The following ZFHX3 variants were observed in gnomAD, a reference collection of about 807,000 sequenced individuals.
The protein encoded by ZFHX3 is zinc finger homeobox 3.
A neutral mutation model predicts 279.1 loss-of-function variants in ZFHX3; 42 were observed. That is an observed-to-expected ratio of 0.15 (90% CI 0.12 to 0.19). ZFHX3 has a LOEUF of 0.19. Among genes scored for constraint, ZFHX3 ranks in the 10% least tolerant of loss-of-function variants. The probability of loss-of-function intolerance (pLI) is 1.00; values close to 1 mark genes in which losing one functional copy is unlikely to be tolerated. For synonymous variants in ZFHX3, 2,293 were observed against 1,957.8 expected, an observed-to-expected ratio of 1.17 and a Z score of -4.52; for missense variants, 4,981 against 4,754.0, an observed-to-expected ratio of 1.05 and a Z score of -1.40.
chr16:73,529,803 A>T (rs1048494208), intron 2 of ZFHX3, among the ~76,000 whole-genome samples: 2 of 152,156 alleles, frequency 1.3e-5, no homozygotes, highest in Admixed American at 1.3e-4. Context: ...ATCCCAACTG[A>T]TGCACCTGTT....
intron 5 of ZFHX3, among the ~76,000 whole-genome samples, chr16:73,192,917 T>G (rs1418905903): frequency 6.6e-6 from 1 of 152,190 alleles, no homozygotes; most frequent in Non-Finnish European, 1.5e-5. Flanking sequence ...GTCTAAAGTC[T>G]GCAACTTCCT....
Position 72,958,904 on chromosome 16 carries a change from G to C in ZFHX3, c.1242C>G (p.Pro414=), listed in dbSNP as rs1961409650. ...GAGGCCCCAGGGGGACTGAGGTAAT[G>C]GGGGTCTTCAGTACCGAGCTGGTGA... ...GGLTSSVLKT[P]ITSVPLGPLA... Residue 414 remains proline, a synonymous_variant, in exon 2 of 10, where the codon CCC becomes CCG. Transcript: ENST00000268489. 1 of 1,607,388 alleles carries C rather than the reference G, an allele frequency of 6.2e-7. No homozygotes were observed. Among genetic ancestry groups the C allele is most frequent in the Non-Finnish European group, 8.5e-7 (1 of 1,176,606 alleles).
intron 3 of ZFHX3, among the ~76,000 whole-genome samples, chr16:73,433,825 G>A (rs1031934629): frequency 1.4e-4 from 21 of 152,314 alleles, no homozygotes; most frequent in African/African-American, 5.1e-4. Flanking sequence ...TGGGTGAGCC[G>A]TGGCTTCCCG....
chr16:72,900,099 C>T (rs1282728106), intron 3 of ZFHX3, among the ~76,000 whole-genome samples: 6 of 123,096 alleles, frequency 4.9e-5, no homozygotes, highest in East Asian at 2.3e-4. Context: ...TTGGTGTAGG[C>T]AGAGCCCAGA....
chr16:73,689,922 C>G (rs965230412), intron 1 of ZFHX3, among the ~76,000 whole-genome samples: 1 of 151,736 alleles, frequency 6.6e-6, no homozygotes, highest in Non-Finnish European at 1.5e-5. Flanking sequence ...CAGGTTCAAG[C>G]AACTCTCTTG....
At chr16:73,057,280 G>A (rs1054223930) in intron 1 of ZFHX3, among the ~76,000 whole-genome samples, 1 of 152,188 alleles carries the variant, frequency 6.6e-6, no homozygotes, top group Non-Finnish European at 1.5e-5. Flanking sequence ...CTGAGCAACA[G>A]CTTCACTCGC....
chr16:73,087,819 C>A (rs1316673178), intron 8 of ZFHX3, among the ~76,000 whole-genome samples: 1 of 151,604 alleles, frequency 6.6e-6, no homozygotes, highest in African/African-American at 2.4e-5. Context: ...GCCAAACTTT[C>A]ATTTCTCTCT....
rs559554699 is a variant in ZFHX3 at position 73,178,016 on chromosome 16, A to G, written c.-1103-34185T>C. ...TCTGCAGGCATCAGGGAATCCTTCT[A>G]GCTTCCTTACTCTGAGCTGAGATCT... is the stretch of plus-strand genomic sequence containing the variant. On this transcript the variant is annotated intron_variant, in intron 5 of 17. Transcript: ENST00000641206. 2.5e-4 allele frequency among the ~76,000 whole-genome samples: 38 copies of G among 152,166 alleles called. 1 individual carries two copies. The highest frequency in any genetic ancestry group is 9.2e-4 in the African/African-American group (38 of 41,494).
chr16:72,832,725 G>A (rs1470626397), intron 4 of ZFHX3, among the ~76,000 whole-genome samples: 2 of 151,958 alleles, frequency 1.3e-5, no homozygotes, highest in African/African-American at 4.8e-5. Flanking sequence ...TTCCATCCAG[G>A]ACCTACAGGT....
intron 5 of ZFHX3, among the ~76,000 whole-genome samples, chr16:73,224,774 T>C (rs934082704): frequency 6.6e-6 from 1 of 152,162 alleles, no homozygotes; most frequent in African/African-American, 2.4e-5. Flanking sequence ...AATGAGGGTG[T>C]AACAGTAACT....
intron 2 of ZFHX3, among the ~76,000 whole-genome samples, chr16:73,645,083 G>T (rs2052606330): frequency 6.6e-6 from 1 of 152,142 alleles, no homozygotes; most frequent in African/African-American, 2.4e-5. Context: ...GCATCTCATG[G>T]GACTTACAGT....
At chr16:73,067,114 G>A (rs7405169) in intron 8 of ZFHX3, among the ~76,000 whole-genome samples, 116,799 of 151,996 alleles carry the variant, frequency 0.77, 45,097 homozygotes, top group South Asian at 0.89. Flanking sequence ...GTGGGTGTGT[G>A]GAGTTAGCGA....
intron 2 of ZFHX3, among the ~76,000 whole-genome samples, chr16:73,497,854 A>G (rs1045587418): frequency 1.3e-5 from 2 of 152,206 alleles, no homozygotes; most frequent in African/African-American, 2.4e-5. Context: ...GTAATATGTT[A>G]TCACTCTTTT....
At chr16:72,830,649 C>T (rs1391171756) in intron 4 of ZFHX3, among the ~76,000 whole-genome samples, 1 of 152,170 alleles carries the variant, frequency 6.6e-6, no homozygotes, top group Admixed American at 6.5e-5. Flanking sequence ...GCTGCCAACG[C>T]TAGGCTGCTT....
At chr16:73,659,690 T>C (rs1567544827) in intron 2 of ZFHX3, among the ~76,000 whole-genome samples, 1 of 152,212 alleles carries the variant, frequency 6.6e-6, no homozygotes, top group Non-Finnish European at 1.5e-5. Flanking sequence ...ATCCTCCATT[T>C]GCAGTTCTGT....
chr16:73,217,245 T>C (rs1202543872), intron 5 of ZFHX3, among the ~76,000 whole-genome samples: 1 of 152,216 alleles, frequency 6.6e-6, no homozygotes, highest in Non-Finnish European at 1.5e-5. Flanking sequence ...GCTACTTATG[T>C]TCCTTTTTCA....
At chr16:73,307,175 G>T (rs557258495) in intron 4 of ZFHX3, among the ~76,000 whole-genome samples, 1 of 152,332 alleles carries the variant, frequency 6.6e-6, no homozygotes, top group East Asian at 1.9e-4. Context: ...GGAGATAGCA[G>T]CCCCTGTCCA....
chr16:72,842,264 C>A (rs773926518), intron 4 of ZFHX3, among the ~76,000 whole-genome samples: 1 of 151,740 alleles, frequency 6.6e-6, no homozygotes, highest in Non-Finnish European at 1.5e-5. Flanking sequence ...GTTGCCCAGG[C>A]TGGAGTGCAG....
intron 1 of ZFHX3, among the ~76,000 whole-genome samples, chr16:73,862,187 T>C (rs1383843885): frequency 1.3e-5 from 2 of 152,306 alleles, no homozygotes; most frequent in African/African-American, 4.8e-5. Flanking sequence ...CAGTAAAGGC[T>C]GCAGCTCCCA....
Sources: allele counts gnomAD v4.1 joint callset (sites outside exome capture counted in the v4.1 genomes callset), GRCh38; gene constraint gnomAD v4.1.1; transcripts MANE v1.5; gene names NCBI Gene and HGNC (gene_info 2026-07-23, HGNC 2026-07-21).